SERGEF: variants seen among roughly 807,000 people sequenced by gnomAD.
SERGEF encodes secretion regulating guanine nucleotide exchange factor, also known as secretion-regulating guanine nucleotide exchange factor.
Under a neutral mutation model 50.0 loss-of-function variants are expected in SERGEF, and 51 were observed. That is an observed-to-expected ratio of 1.02 (90% CI 0.81 to 1.29). SERGEF has a LOEUF of 1.29. SERGEF is among the 50% of genes most tolerant of loss of function. SERGEF has a pLI of 0.00. For synonymous variants in SERGEF, 205 were observed against 212.4 expected, an observed-to-expected ratio of 0.97 and a Z score of 0.30; for missense variants, 521 against 557.0, an observed-to-expected ratio of 0.94 and a Z score of 0.65.
chr11:17,876,971 C>T (rs1177180039), intron 10 of SERGEF, among the ~76,000 whole-genome samples: 4 of 152,258 alleles, frequency 2.6e-5, no homozygotes, highest in Admixed American at 6.5e-5. Flanking sequence ...TTACTCCCCA[C>T]CTCCTCTGCT....
chr11:17,920,228 T>C (rs771406504), intron 9 of SERGEF, among the ~76,000 whole-genome samples: 2 of 152,038 alleles, frequency 1.3e-5, no homozygotes, highest in African/African-American at 2.4e-5. Context: ...GCCTGGGCAA[T>C]AGAGCGAGAC....
chr11:17,976,196 G>T (rs755562488), intron 8 of SERGEF, among the ~76,000 whole-genome samples: 4 of 152,066 alleles, frequency 2.6e-5, no homozygotes, highest in African/African-American at 9.7e-5. Context: ...TCTCTGATTG[G>T]GCAAGAGTTG....
chr11:17,795,154 A>G (rs957588652), intron 10 of SERGEF, among the ~76,000 whole-genome samples: 23 of 152,340 alleles, frequency 1.5e-4, no homozygotes, highest in African/African-American at 5.3e-4. Flanking sequence ...GCGCCCTCAT[A>G]GAGAGGAGGG....
At chr11:17,890,332 G>C (rs1851509964) in intron 9 of SERGEF, among the ~76,000 whole-genome samples, 1 of 152,196 alleles carries the variant, frequency 6.6e-6, no homozygotes, top group African/African-American at 2.4e-5. Context: ...ACAACTGAAA[G>C]AGTGAGATAT....
chr11:18,000,881 T>C, intron 4 of SERGEF: 1 of 505,592 alleles, frequency 2.0e-6, no homozygotes, highest in Middle Eastern at 3.0e-4. Flanking sequence ...CCACAGTTTC[T>C]GTCACACTAC....
intron 9 of SERGEF, among the ~76,000 whole-genome samples, chr11:17,936,803 C>T (rs1480895787): frequency 6.6e-6 from 1 of 152,152 alleles, no homozygotes; most frequent in Non-Finnish European, 1.5e-5. Flanking sequence ...AGGCATCTGC[C>T]CCTATACTGG....
chr11:17,788,246 G>A lies in SERGEF; in HGVS notation c.1216C>T (p.Pro406Ser). Residue 406 changes from proline (P) to serine (S), a missense_variant, in exon 11 of 11, where the codon CCT becomes TCT. Pro to Ser is a moderately conservative substitution (Grantham distance 74). Coordinates refer to ENST00000265965, the MANE Select transcript of SERGEF (RefSeq NM_012139.4). ...SLALCQLPAH[P>S]ALVQDPKVTY... The stretch of plus-strand genomic sequence containing the variant: ...ACCTTGGGGTCCTGGACCAATGCAG[G>A]GTGAGCTGGCAGCTGGCAGAGGGCC... 1.9e-6 allele frequency: 3 copies of A among 1,614,080 alleles called. No individual in the cohort carries two copies. Among genetic ancestry groups the A allele is most frequent in the Non-Finnish European group, 2.5e-6 (3 of 1,179,958 alleles).
intron 10 of SERGEF, chr11:17,855,339 A>T (rs1025851439): frequency 6.6e-6 from 1 of 152,202 alleles, no homozygotes; most frequent in Non-Finnish European, 1.5e-5. Flanking sequence ...GTACCTGGAC[A>T]GTTTAAGGAG....
chr11:17,790,474 C>CACTT (rs933459945), intron 10 of SERGEF, among the ~76,000 whole-genome samples: 4 of 152,042 alleles, frequency 2.6e-5, no homozygotes, highest in African/African-American at 9.7e-5. Flanking sequence ...AATCATATTT[C>CACTT]ACTTACCCAT....
intron 10 of SERGEF, among the ~76,000 whole-genome samples, chr11:17,821,827 G>A (rs975208905): frequency 1.6e-4 from 25 of 152,224 alleles, no homozygotes; most frequent in Non-Finnish European, 1.3e-4. Flanking sequence ...CAGAGGGCAA[G>A]AGAGTAATGT....
chr11:17,915,694 C>T (rs373552385), intron 9 of SERGEF, among the ~76,000 whole-genome samples: 24 of 152,326 alleles, frequency 1.6e-4, no homozygotes, highest in African/African-American at 5.5e-4. Flanking sequence ...CTCACCCTCA[C>T]GACACCTCAC....
At chr11:17,882,286 G>A (rs1851347467) in intron 9 of SERGEF, among the ~76,000 whole-genome samples, 1 of 152,026 alleles carries the variant, frequency 6.6e-6, no homozygotes, top group Non-Finnish European at 1.5e-5. Flanking sequence ...GGGCGTGGTG[G>A]CGGGTGCCTA....
At chr11:17,843,692 C>G (rs1850549219) in intron 10 of SERGEF, among the ~76,000 whole-genome samples, 1 of 152,148 alleles carries the variant, frequency 6.6e-6, no homozygotes, top group South Asian at 2.1e-4. Flanking sequence ...TTCATTGCAC[C>G]CACTGTTCAC....
chr11:17,966,023 T>A (rs916744603), intron 8 of SERGEF, among the ~76,000 whole-genome samples: 3 of 152,260 alleles, frequency 2.0e-5, no homozygotes, highest in Non-Finnish European at 4.4e-5. Context: ...AGGATTTCCA[T>A]GGTTCCACAC....
chr11:17,834,466 C>T (rs963545554), intron 10 of SERGEF, among the ~76,000 whole-genome samples: 1 of 152,212 alleles, frequency 6.6e-6, no homozygotes, highest in African/African-American at 2.4e-5. Context: ...TCCTTTCCAA[C>T]TCTAGGATTT....
At chr11:17,854,934 T>C (rs1011952524) in intron 10 of SERGEF, 1 of 152,212 alleles carries the variant, frequency 6.6e-6, no homozygotes, top group Non-Finnish European at 1.5e-5. Context: ...CTAACTGTCA[T>C]AGTTGCTCTG....
At chr11:17,964,289 C>T (rs1198561374) in intron 8 of SERGEF, among the ~76,000 whole-genome samples, 1 of 151,824 alleles carries the variant, frequency 6.6e-6, no homozygotes, top group Non-Finnish European at 1.5e-5. Flanking sequence ...GCAGGGGATA[C>T]TCTGTGGGTA....
At chr11:17,893,969 G>A (rs3858515) in intron 9 of SERGEF, among the ~76,000 whole-genome samples, 8,962 of 152,214 alleles carry the variant, frequency 0.059, 896 homozygotes, top group African/African-American at 0.2. Flanking sequence ...TTGTGCAGCA[G>A]CTTCCTTGTG....
At chr11:17,988,832 A>T (rs879064651) in intron 7 of SERGEF, 77 bp from the exon 8 acceptor site, 1 of 1,436,690 alleles carries the variant, frequency 7.0e-7, no homozygotes, top group Non-Finnish European at 9.6e-7. Context: ...GAAGTCTAAA[A>T]AATAAGTGGT....
Sources: allele counts gnomAD v4.1 joint callset (sites outside exome capture counted in the v4.1 genomes callset), GRCh38; gene constraint gnomAD v4.1.1; transcripts MANE v1.5; gene names NCBI Gene and HGNC (gene_info 2026-07-23, HGNC 2026-07-21).